Variants in SLC17A1 observed in about 807,000 individuals in gnomAD.
SLC17A1 encodes solute carrier family 17 member 1.
A neutral mutation model predicts 53.5 loss-of-function variants in SLC17A1; 51 were observed. That is an observed-to-expected ratio of 0.95 (90% confidence interval 0.76 to 1.20). The LOEUF (loss-of-function observed/expected upper bound fraction) is 1.20, where lower values mean the gene tolerates loss of function less well. Ranked by LOEUF, SLC17A1 falls within the 50% of genes most tolerant of loss-of-function variation. SLC17A1 has a pLI of 0.00. For synonymous variants in SLC17A1, 179 were observed against 198.8 expected, an observed-to-expected ratio of 0.90 and a Z score of 0.84; for missense variants, 538 against 568.2, an observed-to-expected ratio of 0.95 and a Z score of 0.54.
the SLC17A1 span, among the ~76,000 whole-genome samples, chr6:25,751,564 A>C: frequency 6.6e-6 from 1 of 152,208 alleles, no homozygotes; most frequent in Non-Finnish European, 1.5e-5. Flanking sequence ...GACCATCCAT[A>C]TTCCAAATAA....
chr6:25,737,050 T>C, the SLC17A1 span, among the ~76,000 whole-genome samples: 2 of 152,238 alleles, frequency 1.3e-5, no homozygotes, highest in Non-Finnish European at 2.9e-5. Flanking sequence ...TAAGTTATAA[T>C]AGCCCTTCTC....
intron 3 of SLC17A1, among the ~76,000 whole-genome samples, chr6:25,821,389 T>G (rs1319725989): frequency 6.6e-6 from 1 of 152,280 alleles, no homozygotes; most frequent in East Asian, 1.9e-4. Context: ...GGCACATCCT[T>G]ATAGTAGCCT....
the SLC17A1 span, chr6:25,726,930 G>A: frequency 1.4e-3 from 2,295 of 1,613,530 alleles, 15 homozygotes; most frequent in East Asian, 0.018. Context: ...GTCATCTAAA[G>A]GTGCTACCAT....
the SLC17A1 span, chr6:25,732,007 T>C: frequency 4.9e-5 from 77 of 1,557,324 alleles, no homozygotes; most frequent in East Asian, 1.6e-3. Context: ...GAGATTCCAG[T>C]GTCCGCGTGG....
the SLC17A1 span, chr6:25,727,171 G>T: frequency 6.2e-7 from 1 of 1,614,120 alleles, no homozygotes; most frequent in South Asian, 1.1e-5. Context: ...TACAGCAAGC[G>T]CTCCACCATT....
the SLC17A1 span, among the ~76,000 whole-genome samples, chr6:25,731,481 T>C: frequency 6.6e-6 from 1 of 152,212 alleles, no homozygotes; most frequent in East Asian, 1.9e-4. Flanking sequence ...AAAAGCCGTA[T>C]TTCCCCATGG....
intron 2 of SLC17A1, 139 bp downstream of exon 2, chr6:25,830,385 G>T (rs948024898): frequency 1.6e-6 from 1 of 632,902 alleles, no homozygotes; most frequent in Non-Finnish European, 2.9e-6. Flanking sequence ...ACCATAGTAG[G>T]ACTGGTTTCT....
the SLC17A1 span, among the ~76,000 whole-genome samples, chr6:25,757,209 G>A: frequency 2.0e-5 from 3 of 152,240 alleles, no homozygotes; most frequent in South Asian, 4.2e-4. Context: ...TTAGTGGTAC[G>A]TTACATAACA....
intron 6 of SLC17A1, among the ~76,000 whole-genome samples, chr6:25,814,758 CG>C (rs1764277265): frequency 6.6e-6 from 1 of 151,972 alleles, no homozygotes; most frequent in Non-Finnish European, 1.5e-5. Flanking sequence ...CCGAGGCGGG[CG>C]GATCACGTGA....
the SLC17A1 span, among the ~76,000 whole-genome samples, chr6:25,724,062 T>C: frequency 1.3e-5 from 2 of 152,152 alleles, no homozygotes; most frequent in African/African-American, 2.4e-5. Flanking sequence ...TTCTAATATT[T>C]CCCCAAAATA....
chr6:25,761,868 T>C, the SLC17A1 span: 1 of 955,382 alleles, frequency 1.0e-6, no homozygotes, highest in Admixed American at 2.5e-5. Context: ...TTAGAAAGAA[T>C]TGGGGTAATA....
the SLC17A1 span, among the ~76,000 whole-genome samples, chr6:25,736,554 G>A: frequency 6.6e-6 from 1 of 152,096 alleles, no homozygotes; most frequent in African/African-American, 2.4e-5. Flanking sequence ...AGCCAAACAA[G>A]GGGTATGGCT....
chr6:25,731,603 T>C, the SLC17A1 span, among the ~76,000 whole-genome samples: 4 of 152,212 alleles, frequency 2.6e-5, no homozygotes, highest in Non-Finnish European at 5.9e-5. Flanking sequence ...ATACAGTTGA[T>C]TAATGCAAAG....
chr6:25,736,555 G>A, the SLC17A1 span, among the ~76,000 whole-genome samples: 612 of 152,180 alleles, frequency 4.0e-3, 3 homozygotes, highest in African/African-American at 0.014. Context: ...GCCAAACAAG[G>A]GGTATGGCTG....
chr6:25,779,529 C>T (rs1178059596), downstream of SLC17A1: 1 of 207,204 alleles, frequency 4.8e-6, no homozygotes, highest in Non-Finnish European at 9.6e-6. Flanking sequence ...GGAGTTGCGC[C>T]CAACATGCAG....
At chr6:25,773,737 T>C in the SLC17A1 span, 4 of 1,544,334 alleles carry the variant, frequency 2.6e-6, no homozygotes, top group African/African-American at 5.5e-5. Flanking sequence ...AGAGCTCATA[T>C]ATAATCCTCT....
At chr6:25,825,790 G>C (rs971870260) in intron 3 of SLC17A1, among the ~76,000 whole-genome samples, 1 of 151,918 alleles carries the variant, frequency 6.6e-6, no homozygotes, top group Non-Finnish European at 1.5e-5. Flanking sequence ...TACACCATTT[G>C]ATACTGTCTA....
At chr6:25,735,074 T>G in the SLC17A1 span, among the ~76,000 whole-genome samples, 2 of 152,212 alleles carry the variant, frequency 1.3e-5, no homozygotes, top group African/African-American at 2.4e-5. Context: ...AATGTAGTAA[T>G]TGCAGCTGCT....
At chr6:25,797,020 C>G in intron 12 of SLC17A1, among the ~76,000 whole-genome samples, 1 of 152,202 alleles carries the variant, frequency 6.6e-6, no homozygotes, top group East Asian at 1.9e-4. Context: ...GAATTTCATC[C>G]CTTCCAGATG....
Sources: allele counts gnomAD v4.1 joint callset (sites outside exome capture counted in the v4.1 genomes callset), GRCh38; gene constraint gnomAD v4.1.1; transcripts MANE v1.5; gene names NCBI Gene and HGNC (gene_info 2026-07-23, HGNC 2026-07-21).